Variants in SLC2A9 observed in about 807,000 individuals in gnomAD.
SLC2A9 encodes the protein solute carrier family 2, facilitated glucose transporter member 9.
Under a neutral mutation model 50.6 loss-of-function variants are expected in SLC2A9, and 39 were observed. The ratio of observed to expected loss-of-function variants is 0.77; its 90% CI spans 0.60 to 1.01. SLC2A9 has a LOEUF of 1.01. Ranked by LOEUF, SLC2A9 falls within the 50% of genes least tolerant of loss-of-function variation. The pLI, the probability that SLC2A9 is intolerant of heterozygous loss-of-function variation, is 0.00. For synonymous variants in SLC2A9, 324 were observed against 276.9 expected (o/e 1.17, Z -1.69); for missense variants, 686 against 677.6 (o/e 1.01, Z -0.14).
intron 10 of SLC2A9, chr4:9,879,192 AG>A: frequency 1.0e-6 from 1 of 985,236 alleles, no homozygotes; most frequent in Non-Finnish European, 1.2e-6. Context: ...GAGTTAATCT[AG>A]GGGGCTGTGG....
chr4:9,986,837 C>T (rs896141154), intron 3 of SLC2A9, among the ~76,000 whole-genome samples: 1 of 152,170 alleles, frequency 6.6e-6, no homozygotes, highest in Non-Finnish European at 1.5e-5. Flanking sequence ...AAATACCTGA[C>T]TTGTTTGGAG....
downstream of SLC2A9, among the ~76,000 whole-genome samples, chr4:9,824,309 TA>T (rs5856021): frequency 0.92 from 136,892 of 148,304 alleles, 63,365 homozygotes; most frequent in Non-Finnish European, 0.95. Context: ...TCCAGAACAG[TA>T]AAAAAAAAAA....
At chr4:9,966,081 A>T (rs1753004670) in intron 5 of SLC2A9, among the ~76,000 whole-genome samples, 1 of 152,154 alleles carries the variant, frequency 6.6e-6, no homozygotes, top group African/African-American at 2.4e-5. Context: ...CTCATCTATT[A>T]TTTTTGCCTA....
chr4:9,938,360 C>G (rs188876502), intron 6 of SLC2A9, among the ~76,000 whole-genome samples: 1 of 150,714 alleles, frequency 6.6e-6, no homozygotes, highest in African/African-American at 2.4e-5. Flanking sequence ...TAAGCTCTGC[C>G]TCCCAGGTTC....
At chr4:9,873,497 G>A (rs954961694) in intron 10 of SLC2A9, among the ~76,000 whole-genome samples, 1 of 152,216 alleles carries the variant, frequency 6.6e-6, no homozygotes, top group African/African-American at 2.4e-5. Flanking sequence ...CAGAAATAGT[G>A]TGGAGTTCCA....
At chr4:9,981,962 A>T (rs1755957389) in intron 4 of SLC2A9, among the ~76,000 whole-genome samples, 1 of 151,710 alleles carries the variant, frequency 6.6e-6, no homozygotes, top group Non-Finnish European at 1.5e-5. Flanking sequence ...GCTCACCACA[A>T]CTTCCACCTC....
chr4:9,830,702 C>T lies in SLC2A9; in HGVS notation c.1420-4102G>A, dbSNP rs561180978. On this transcript the variant is annotated intron_variant, in intron 11 of 11. Transcript: ENST00000264784. ...ACTTGAGTAGAATCAAAGAGGCATA[C>T]ATTTGCATGCAATTTTCTCTGAATC... Among the ~76,000 whole-genome samples, 8 of 152,328 alleles carry T rather than the reference C, an allele frequency of 5.3e-5. No individual in the cohort carries two copies. In the South Asian group the frequency reaches 1.2e-3, roughly 24 times the overall value.
At position 9,931,193 on chromosome 4, in the gene SLC2A9, C is replaced by A. The variant is rs141295768; in HGVS notation, c.815-10621G>T. ...AAAATAGTTCATCCAAGCCCTACCC[C>A]CTGAATGCATGTTCCCCACATTCTC... On this transcript the variant is annotated intron_variant, in intron 6 of 11. Transcript: ENST00000264784. Among the ~76,000 whole-genome samples, 149 of 152,318 alleles carry A rather than the reference C, an allele frequency of 9.8e-4. 1 individual carries two copies. Among genetic ancestry groups the A allele is most frequent in the African/African-American group, 3.1e-3 (129 of 41,564 alleles).
At chr4:9,993,793 C>A (rs376626145) in intron 3 of SLC2A9, among the ~76,000 whole-genome samples, 1 of 152,176 alleles carries the variant, frequency 6.6e-6, no homozygotes, top group Non-Finnish European at 1.5e-5. Context: ...AGGTGAGGAA[C>A]CTGCATCTGT....
At chr4:9,840,162 A>G (rs1727814979) in intron 10 of SLC2A9, among the ~76,000 whole-genome samples, 1 of 152,300 alleles carries the variant, frequency 6.6e-6, no homozygotes, top group East Asian at 1.9e-4. Flanking sequence ...ACTCCACAGC[A>G]TGAGTTTTAA....
chr4:9,941,852 T>C, intron 6 of SLC2A9, 61 bp downstream of exon 6: 1 of 1,609,230 alleles, frequency 6.2e-7, no homozygotes, highest in Admixed American at 1.7e-5. Flanking sequence ...GGTCCCAGCA[T>C]GCCTTGCAGT....
At chr4:9,997,417 CG>C (rs1758873508) in intron 2 of SLC2A9, among the ~76,000 whole-genome samples, 1 of 152,014 alleles carries the variant, frequency 6.6e-6, no homozygotes, top group Non-Finnish European at 1.5e-5. Flanking sequence ...GGGCACATAC[CG>C]GGTGGGCGCA....
At chr4:10,024,459 A>C (rs1202357254), upstream of SLC2A9, among the ~76,000 whole-genome samples, 1 of 152,242 alleles carries the variant, frequency 6.6e-6, no homozygotes, top group Non-Finnish European at 1.5e-5. Flanking sequence ...AGACACACAC[A>C]GAGGGATGAC....
intron 1 of SLC2A9, among the ~76,000 whole-genome samples, chr4:10,027,668 T>C (rs762064048): frequency 2.0e-5 from 3 of 152,036 alleles, no homozygotes; most frequent in Admixed American, 1.3e-4. Flanking sequence ...GTCTGGAGCA[T>C]TGGGGCCGAG....
intron 5 of SLC2A9, among the ~76,000 whole-genome samples, chr4:9,958,998 C>T (rs534918207): frequency 1.7e-3 from 257 of 150,770 alleles, no homozygotes; most frequent in African/African-American, 5.9e-3. Context: ...GGAAAGTAAT[C>T]GGTAAATAGT....
At chr4:9,925,358 G>A (rs1342817980) in intron 6 of SLC2A9, among the ~76,000 whole-genome samples, 1 of 134,682 alleles carries the variant, frequency 7.4e-6, no homozygotes, top group East Asian at 6.5e-4. Flanking sequence ...TTTCACTCTT[G>A]TCTGGGGCGT....
chr4:9,985,612 T>C, intron 4 of SLC2A9, 57 bp downstream of exon 4: 1 of 1,610,400 alleles, frequency 6.2e-7, no homozygotes, highest in Non-Finnish European at 8.5e-7. Context: ...TTCTCACATT[T>C]TGGGACACCC....
chr4:10,018,114 C>T (rs1411336221), intron 2 of SLC2A9, among the ~76,000 whole-genome samples: 1 of 152,214 alleles, frequency 6.6e-6, no homozygotes, highest in Non-Finnish European at 1.5e-5. Flanking sequence ...AGTACCCAAC[C>T]TTTAACTGCA....
upstream of SLC2A9, among the ~76,000 whole-genome samples, chr4:10,022,206 C>T (rs1763556296): frequency 6.6e-6 from 1 of 152,192 alleles, no homozygotes; most frequent in Admixed American, 6.5e-5. Context: ...CAACTTCTAC[C>T]ACTGCAAAAT....
Sources: gnomAD v4.1 joint callset for allele counts (sites outside exome capture counted in the v4.1 genomes callset) on GRCh38, gnomAD v4.1.1 for gene constraint, MANE v1.5 for transcripts, NCBI Gene and HGNC (gene_info 2026-07-23, HGNC 2026-07-21) for gene names.